The following SPTBN2 variants were observed in gnomAD, a reference collection of about 807,000 sequenced individuals.
SPTBN2 encodes spectrin beta, non-erythrocytic 2, also known as spectrin beta chain, non-erythrocytic 2.
A neutral mutation model predicts 284.2 loss-of-function variants in SPTBN2; 107 were observed. The observed-to-expected ratio is 0.38, with a 90% CI of 0.32 to 0.44. The LOEUF is 0.44. SPTBN2 is among the 20% of genes least tolerant of loss of function. The probability of loss-of-function intolerance (pLI) is 1.00; values close to 1 mark genes in which losing one functional copy is unlikely to be tolerated. For missense variants in SPTBN2, 2,569 were observed against 3,287.1 expected, an observed-to-expected ratio of 0.78 and a Z score of 5.34; for synonymous variants, 1,289 against 1,354.8, an observed-to-expected ratio of 0.95 and a Z score of 1.07.
At position 66,689,076 on chromosome 11, in the gene SPTBN2, G is replaced by A; in HGVS notation, c.6034+20C>T. On this transcript the variant is annotated intron_variant, in intron 30 of 37. Transcript: ENST00000533211. ...TGCCCCCCACTCCCCACAGGGCCTG[G>A]GGCCCCCTTGGCAGCTCACCCAGCT... 1.3e-6 allele frequency: 2 copies of A among 1,597,380 alleles called. No homozygotes were observed. Among genetic ancestry groups the A allele is most frequent in the Non-Finnish European group, 1.7e-6 (2 of 1,170,848 alleles).
At chr11:66,688,356 G>C in intron 31 of SPTBN2, 45 bp from the exon 32 acceptor site, 1 of 1,551,036 alleles carries the variant, frequency 6.4e-7, no homozygotes, top group Non-Finnish European at 8.7e-7. Flanking sequence ...TTGCGTGTAA[G>C]AGGGCCAGGG....
chr11:66,698,909 C>T (rs953400177), intron 19 of SPTBN2, 83 bp downstream of exon 19: 192 of 1,599,924 alleles, frequency 1.2e-4, no homozygotes, highest in Non-Finnish European at 1.5e-4. Flanking sequence ...TCACAGTCTC[C>T]GGTACCTTGT....
rs1394260635 is a variant in SPTBN2 at position 66,714,164 on chromosome 11, T to C, written c.583A>G (p.Asn195Asp). The change falls in exon 7 of 38, where the codon AAC becomes GAC. Residue 195 changes from asparagine to aspartate, a missense_variant. Coordinates refer to ENST00000533211, the MANE Select transcript of SPTBN2 (RefSeq NM_006946.4). ...WCQMKTAGYP[N>D]VNVHNFTTSW... ...GTGGTGAAGTTGTGTACATTGACGT[T>C]GGGATAACTATAAACAGAGATTCAG... 2.5e-6 allele frequency: 4 copies of C among 1,614,066 alleles called. No homozygotes were observed. In the African/African-American group the frequency reaches 5.3e-5, roughly 22 times the overall value.
chr11:66,715,366 G>T lies in SPTBN2; in HGVS notation c.339C>A (p.Ile113=), dbSNP rs754640388. ...LPKPTKGRMR[I]HCLENVDKAL... is the part of the protein sequence containing the mutation. The stretch of plus-strand genomic sequence containing the variant: ...CCTTGTCCACGTTCTCCAGGCAGTG[G>T]ATCCGCATGCGGCCCTTTGTAGGCT... Residue 113 remains isoleucine, a synonymous_variant, in exon 5 of 38, where the codon ATC becomes ATA. Coordinates refer to ENST00000533211, the MANE Select transcript of SPTBN2 (RefSeq NM_006946.4). This position sits in a 1 kb window ranked among gnomAD's most constrained non-coding sequence, Gnocchi z 5.3. The T allele has an allele frequency of 3.7e-6, 6 of 1,613,968 alleles. No individual in the cohort carries two copies. The highest frequency in any genetic ancestry group is 1.3e-5 in the African/African-American group (1 of 74,944).
At chr11:66,709,547 A>G (rs1941751111) in intron 10 of SPTBN2, among the ~76,000 whole-genome samples, 1 of 152,160 alleles carries the variant, frequency 6.6e-6, no homozygotes, top group South Asian at 2.1e-4. Flanking sequence ...CAATAAATGC[A>G]TTTCTTTAAT....
intron 36 of SPTBN2, 101 bp downstream of exon 36, chr11:66,686,893 G>C: frequency 3.3e-6 from 5 of 1,525,782 alleles, no homozygotes; most frequent in South Asian, 1.1e-5. Context: ...CTCCACTCAG[G>C]CTCCTTACAG....
chr11:66,716,250 A>G (rs1565151980), intron 3 of SPTBN2, among the ~76,000 whole-genome samples: 1 of 152,166 alleles, frequency 6.6e-6, no homozygotes, highest in Non-Finnish European at 1.5e-5. Context: ...TTGGGAAGCC[A>G]AGGCGGGCGG....
In SPTBN2 at chr11:66,701,432, C is replaced by T. The variant is rs1941241412; in HGVS notation, c.2817-150G>A. On this transcript the variant is annotated intron_variant, in intron 16 of 37. Transcript: ENST00000533211. ...ACCACCTTGACCCCCTCTCTCATCT[C>T]TTTCATCCTTTTTCCTTCCCCAACA... 9 of 1,514,930 alleles carry T rather than the reference C, an allele frequency of 5.9e-6. No individual in the cohort carries two copies. The South Asian group carries it at 1.1e-4, about 18-fold the overall frequency. The allele number at this position is 1,514,930 out of a possible 1,614,324, so 93.8% of individuals were successfully genotyped here.
intron 1 of SPTBN2, among the ~76,000 whole-genome samples, chr11:66,725,997 C>T (rs1942608046): frequency 6.6e-6 from 1 of 152,186 alleles, no homozygotes; most frequent in Non-Finnish European, 1.5e-5. Flanking sequence ...TAGTATTGTA[C>T]TTATCACATC....
At chr11:66,728,491 G>C (rs1303664585) in intron 1 of SPTBN2, 2 of 150,672 alleles carry the variant, frequency 1.3e-5, no homozygotes, top group Non-Finnish European at 3.0e-5. Context: ...GCTCTGGGCG[G>C]GGCCCGAGTC....
chr11:66,686,147 C>T (rs1273536344), intron 37 of SPTBN2, 43 bp from the exon 38 acceptor site: 1 of 1,582,890 alleles, frequency 6.3e-7, no homozygotes, highest in Non-Finnish European at 8.6e-7. Flanking sequence ...GGACACTGTG[C>T]TGAGTTGGCC....
At chr11:66,696,681 A>T in intron 20 of SPTBN2, 141 bp from the exon 21 acceptor site, 1 of 1,188,380 alleles carries the variant, frequency 8.4e-7, no homozygotes, top group African/African-American at 1.5e-5. Flanking sequence ...TTATCGACAC[A>T]CTCTTCACGG....
At chr11:66,741,410 G>A (rs1490671414) in intron 1 of SPTBN2, among the ~76,000 whole-genome samples, 1 of 152,170 alleles carries the variant, frequency 6.6e-6, no homozygotes, top group Non-Finnish European at 1.5e-5. Flanking sequence ...TAGCCATGAT[G>A]AACAATGAGT....
In SPTBN2 at chr11:66,699,552, G is replaced by C. The variant is rs768411923; in HGVS notation, c.3630C>G (p.Ala1210=). The change falls in exon 18 of 38, where the codon GCC becomes GCG. Residue 1210 remains alanine (A), a synonymous_variant. Transcript: ENST00000533211. The part of the protein sequence containing the change: ...MPGTLQAADA[A]IKKLEDFMST... ...TCATGAAGTCCTCCAGTTTTTTAATGGCAGCATCAGCAGCCTGGAGTGTCC... is the reference window on the plus strand; with the variant it reads ...TCATGAAGTCCTCCAGTTTTTTAATCGCAGCATCAGCAGCCTGGAGTGTCC... 1 of 1,614,110 alleles carries C rather than the reference G, an allele frequency of 6.2e-7. No homozygotes were observed.
intron 13 of SPTBN2, 83 bp from the exon 14 acceptor site, chr11:66,705,920 G>C (rs1005002698): frequency 2.5e-5 from 39 of 1,539,850 alleles, no homozygotes; most frequent in Non-Finnish European, 3.4e-5. Context: ...ACTTCTCCAC[G>C]GCCCCAGGTG....
chr11:66,693,377 C>T lies in SPTBN2; in HGVS notation c.4663G>A (p.Gly1555Ser), dbSNP rs1590922554. The T allele has an allele frequency of 6.2e-7, 1 of 1,603,188 alleles. No individual in the cohort carries two copies. Among genetic ancestry groups the T allele is most frequent in the East Asian group, 2.2e-5 (1 of 44,886 alleles). Reference sequence around the variant, plus strand: ...AGCTCTGGACCTGCTGCTGCTGCACCTAGAGCACGCTGCCGCTCCCTCAGG... The same window carrying T: ...AGCTCTGGACCTGCTGCTGCTGCACTTAGAGCACGCTGCCGCTCCCTCAGG... ...ADLRERQRALGAAAAGPELAE... is the reference protein window; with the variant it reads ...ADLRERQRALSAAAAGPELAE... Residue 1555 changes from glycine to serine, a missense_variant, in exon 24 of 38, where the codon GGT becomes AGT. Around this residue, in one of 6 missense-constraint regions of SPTBN2, gnomAD observed 1,130 missense variants for 1,317.3 expected, o/e 0.86. Coordinates refer to ENST00000533211, the MANE Select transcript of SPTBN2 (RefSeq NM_006946.4). The surrounding 1 kb of genome is among the most constrained non-coding windows in gnomAD (Gnocchi z 5.7).
At position 66,687,796 on chromosome 11, in the gene SPTBN2, C is replaced by G; in HGVS notation, c.6501+72G>C. The G allele has an allele frequency of 1.2e-6, 2 of 1,603,554 alleles. No individual in the cohort carries two copies. The highest frequency in any genetic ancestry group is 1.7e-6 in the Non-Finnish European group (2 of 1,170,598). On this transcript the variant is annotated intron_variant, in intron 34 of 37. Transcript: ENST00000533211. This position sits in a 1 kb window ranked among gnomAD's most constrained non-coding sequence, Gnocchi z 5.2. ...TCCCATCCCATCCCCAGTACTCCCC[C>G]ACCCGCACTCACCACCCCCTCTGGA...
chr11:66,688,152 G>A lies in SPTBN2; in HGVS notation c.6374+17C>T. 6.2e-7 allele frequency: 1 copy of A among 1,613,472 alleles called. No homozygotes were observed. Among genetic ancestry groups the A allele is most frequent in the South Asian group, 1.1e-5 (1 of 91,082 alleles). ...GGGCTCAGCCGCCTCCTCCTACCCA[G>A]GCATCCTGGCTCTCACCCGTCCCAG... On this transcript the variant is annotated intron_variant, in intron 32 of 37. Coordinates refer to ENST00000533211, the MANE Select transcript of SPTBN2 (RefSeq NM_006946.4).
At chr11:66,689,693 G>C in intron 29 of SPTBN2, 112 bp downstream of exon 29, 1 of 1,509,828 alleles carries the variant, frequency 6.6e-7, no homozygotes, top group Non-Finnish European at 9.1e-7. Flanking sequence ...ACTGAGGGGA[G>C]AGAATGAAAG....
Sources: allele counts gnomAD v4.1 joint callset (sites outside exome capture counted in the v4.1 genomes callset), GRCh38; gene constraint gnomAD v4.1.1; regional missense constraint gnomAD v4.1.1; non-coding constraint Gnocchi (gnomAD v3.1); transcripts MANE v1.5; gene names NCBI Gene and HGNC (gene_info 2026-07-23, HGNC 2026-07-21).